Variants in TMEM131 observed in about 807,000 individuals in gnomAD.
TMEM131 encodes the protein 2610524E03Rik.
In TMEM131, 66 loss-of-function variants were observed where a neutral mutation model predicts 211.6. The observed-to-expected ratio is 0.31, with a 90% CI of 0.26 to 0.38. The LOEUF (loss-of-function observed/expected upper bound fraction) is 0.38. Among genes scored for constraint, TMEM131 ranks in the 10% least tolerant of loss-of-function variants. The probability of loss-of-function intolerance (pLI) is 1.00; values close to 1 mark genes in which losing one functional copy is unlikely to be tolerated. For missense variants in TMEM131, 2,036 were observed against 2,299.3 expected (o/e 0.89, Z 2.34); for synonymous variants, 844 against 841.3 (o/e 1.00, Z -0.06).
chr2:97,887,115 G>T (rs1345417417), intron 4 of TMEM131, among the ~76,000 whole-genome samples: 5 of 152,132 alleles, frequency 3.3e-5, no homozygotes, highest in African/African-American at 7.2e-5. Flanking sequence ...TGTTTAGTTG[G>T]CCTTGAAGTG....
chr2:97,861,794 G>A (rs1029429087), intron 4 of TMEM131, among the ~76,000 whole-genome samples: 24 of 152,124 alleles, frequency 1.6e-4, no homozygotes, highest in African/African-American at 5.8e-4. Flanking sequence ...CTGGGACCTG[G>A]GGGAACTCAC....
intron 1 of TMEM131, among the ~76,000 whole-genome samples, chr2:97,945,003 A>C (rs966576460): frequency 2.6e-5 from 4 of 152,216 alleles, no homozygotes; most frequent in African/African-American, 9.6e-5. Flanking sequence ...ACAAAAACTT[A>C]TATACCAGTG....
intron 1 of TMEM131, among the ~76,000 whole-genome samples, chr2:97,943,700 A>C (rs1677905374): frequency 6.6e-6 from 1 of 152,240 alleles, no homozygotes; most frequent in East Asian, 1.9e-4. Flanking sequence ...TTGAAAAAGA[A>C]AGACACAATG....
intron 3 of TMEM131, among the ~76,000 whole-genome samples, chr2:97,897,609 A>G (rs1320907167): frequency 1.3e-5 from 2 of 152,220 alleles, no homozygotes; most frequent in Non-Finnish European, 1.5e-5. Context: ...GTTGGCCATG[A>G]TGCATTACCC....
At chr2:97,924,103 G>T (rs981805037) in intron 2 of TMEM131, among the ~76,000 whole-genome samples, 2 of 147,080 alleles carry the variant, frequency 1.4e-5, no homozygotes, top group African/African-American at 4.9e-5. Context: ...TTAGATTAGA[G>T]GCCGAGCATG....
chr2:97,760,493 T>G (rs1362185885), intron 38 of TMEM131, 100 bp downstream of exon 38: 2 of 1,114,882 alleles, frequency 1.8e-6, no homozygotes, highest in African/African-American at 1.6e-5. Flanking sequence ...CCTTGTAAAT[T>G]AGGGGAAAAA....
chr2:97,833,835 A>AT (rs1394908602), intron 10 of TMEM131, among the ~76,000 whole-genome samples: 4 of 151,776 alleles, frequency 2.6e-5, no homozygotes, highest in East Asian at 3.9e-4. Flanking sequence ...CTTTTGTATT[A>AT]TTTTTTTAGT....
chr2:97,842,503 C>T (rs1214710399), intron 6 of TMEM131, among the ~76,000 whole-genome samples: 1 of 115,106 alleles, frequency 8.7e-6, no homozygotes, highest in African/African-American at 3.8e-5. Context: ...AGACTGGATA[C>T]CAATAAAAAG....
At position 97,793,645 on chromosome 2, in the gene TMEM131, G is replaced by A. The variant is rs2104890307; in HGVS notation, c.3387-92C>T. 5 of 1,277,072 alleles carry A rather than the reference G, an allele frequency of 3.9e-6. No individual in the cohort carries two copies. The East Asian group carries it at 1.0e-4, about 26-fold the overall frequency. The allele number at this position is 1,277,072 out of a possible 1,614,324, so 79.1% of individuals were successfully genotyped here. A position where few individuals can be genotyped will look rare whatever the true frequency, so the allele number is the denominator to read the frequency against. On this transcript the variant is annotated intron_variant, in intron 29 of 40. Coordinates refer to ENST00000186436, the MANE Select transcript of TMEM131 (RefSeq NM_015348.2). ...GTTAAAGGCAGAGTTTCTTGGTAAA[G>A]TACAATATGATGTAATAGAAAACCA...
Position 97,760,805 on chromosome 2 carries a change from C to A in TMEM131, c.4999G>T (p.Asp1667Tyr). The change falls in exon 37 of 41, where the codon GAC becomes TAC. Residue 1667 changes from aspartate (D) to tyrosine (Y), a missense_variant. Physicochemically the swap from Asp to Tyr is radical, Grantham distance 160 (BLOSUM62 -3). Around this residue, in one of 3 missense-constraint regions of TMEM131, gnomAD observed 1,623 missense variants for 1,805.9 expected, o/e 0.90. Coordinates refer to ENST00000186436, the MANE Select transcript of TMEM131 (RefSeq NM_015348.2). ...PTFAAVTAGY[D>Y]KSPGGNGFAK... Reference sequence around the variant, plus strand: ...CAAAGGCACTGACCTGGGCTCTTGTCGTAGCCAGCCGTGACTGCAGCAAAA... The same window carrying A: ...CAAAGGCACTGACCTGGGCTCTTGTAGTAGCCAGCCGTGACTGCAGCAAAA... 6.2e-7 allele frequency: 1 copy of A among 1,613,960 alleles called. No homozygotes were observed. The highest frequency in any genetic ancestry group is 8.5e-7 in the Non-Finnish European group (1 of 1,179,862).
intron 3 of TMEM131, among the ~76,000 whole-genome samples, chr2:97,897,598 T>C (rs555195822): frequency 1.3e-5 from 2 of 152,258 alleles, no homozygotes; most frequent in Admixed American, 1.3e-4. Context: ...GATAAAACCC[T>C]GTTGGCCATG....
At chr2:97,767,695 T>C (rs1022593622) in intron 33 of TMEM131, among the ~76,000 whole-genome samples, 1 of 152,214 alleles carries the variant, frequency 6.6e-6, no homozygotes, top group East Asian at 1.9e-4. Flanking sequence ...TCTACACAGA[T>C]GGTGTAAAAT....
intron 4 of TMEM131, among the ~76,000 whole-genome samples, chr2:97,877,026 T>C (rs1674725502): frequency 6.6e-6 from 1 of 152,190 alleles, no homozygotes; most frequent in Non-Finnish European, 1.5e-5. Flanking sequence ...ACAAAATCAA[T>C]GTGCAAAACT....
intron 6 of TMEM131, among the ~76,000 whole-genome samples, chr2:97,842,973 A>G (rs1195555378): frequency 6.6e-6 from 1 of 152,162 alleles, no homozygotes; most frequent in Non-Finnish European, 1.5e-5. Context: ...CATAAGCAGA[A>G]GACACAGTCC....
intron 1 of TMEM131, among the ~76,000 whole-genome samples, chr2:97,992,403 A>C (rs1454816805): frequency 6.6e-6 from 1 of 152,244 alleles, no homozygotes; most frequent in East Asian, 1.9e-4. Context: ...ACTATAGTAC[A>C]CTGGCAAAAA....
intron 30 of TMEM131, 189 bp downstream of exon 30, chr2:97,793,206 A>C (rs1680588053): frequency 1.5e-6 from 1 of 661,296 alleles, no homozygotes; most frequent in Non-Finnish European, 2.5e-6. Flanking sequence ...ACCCTTACCA[A>C]TATAATAAAA....
chr2:97,912,613 A>C (rs1225286141), intron 2 of TMEM131, among the ~76,000 whole-genome samples: 1 of 152,228 alleles, frequency 6.6e-6, no homozygotes, highest in Non-Finnish European at 1.5e-5. Context: ...AGAACAGACA[A>C]GATATAACAG....
intron 5 of TMEM131, among the ~76,000 whole-genome samples, chr2:97,849,133 A>G (rs1363073261): frequency 6.6e-6 from 1 of 152,224 alleles, no homozygotes; most frequent in African/African-American, 2.4e-5. Context: ...AGTGACTCGC[A>G]TCACAAAAAA....
chr2:97,969,792 T>C (rs897404984), intron 1 of TMEM131, among the ~76,000 whole-genome samples: 1 of 152,240 alleles, frequency 6.6e-6, no homozygotes, highest in African/African-American at 2.4e-5. Context: ...TCTAACCACA[T>C]GCTCTTACTT....
Sources: allele counts gnomAD v4.1 joint callset (sites outside exome capture counted in the v4.1 genomes callset), GRCh38; gene constraint gnomAD v4.1.1; regional missense constraint gnomAD v4.1.1; transcripts MANE v1.5; gene names NCBI Gene and HGNC (gene_info 2026-07-23, HGNC 2026-07-21).